Variants in ZFHX3 observed in about 807,000 individuals in gnomAD.
ZFHX3 encodes the protein zinc finger homeobox protein 3.
Under a neutral mutation model 279.1 loss-of-function variants are expected in ZFHX3, and 42 were observed. The observed-to-expected ratio is 0.15, with a 90% confidence interval of 0.12 to 0.19. The LOEUF (loss-of-function observed/expected upper bound fraction) is 0.19. Among genes scored for constraint, ZFHX3 ranks in the 10% least tolerant of loss-of-function variants. The pLI, the probability that ZFHX3 is intolerant of heterozygous loss-of-function variation, is 1.00. For missense variants in ZFHX3, 4,981 were observed against 4,754.0 expected, an observed-to-expected ratio of 1.05 and a Z score of -1.40; for synonymous variants, 2,293 against 1,957.8, an observed-to-expected ratio of 1.17 and a Z score of -4.52.
intron 2 of ZFHX3, among the ~76,000 whole-genome samples, chr16:73,517,622 G>A (rs1387704466): frequency 6.6e-6 from 1 of 152,228 alleles, no homozygotes; most frequent in Non-Finnish European, 1.5e-5. Flanking sequence ...AAAAATATTA[G>A]AAATGTAGCA....
At position 73,221,280 on chromosome 16, in the gene ZFHX3, A is replaced by G. The variant is rs1168779204; in HGVS notation, c.-1104+35767T>C. Among the ~76,000 whole-genome samples the G allele has an allele frequency of 3.3e-5, 5 of 152,336 alleles. No homozygotes were observed. In the East Asian group the frequency reaches 9.6e-4, roughly 29 times the overall value. ...ATTTGTAAACTGCAAAAAAATACAA[A>G]GAAAAGTCACTGTTAATACCTCTAT... On this transcript the variant is annotated intron_variant, in intron 5 of 17. Coordinates refer to the ZFHX3 transcript ENST00000641206.
intron 1 of ZFHX3, among the ~76,000 whole-genome samples, chr16:73,859,277 T>C (rs1251304483): frequency 6.6e-6 from 1 of 152,194 alleles, no homozygotes; most frequent in East Asian, 1.9e-4. Context: ...ATCGCTAAAT[T>C]TAAATCTTGT....
intron 1 of ZFHX3, among the ~76,000 whole-genome samples, chr16:72,978,721 C>T (rs1407086683): frequency 6.6e-6 from 1 of 152,202 alleles, no homozygotes; most frequent in Non-Finnish European, 1.5e-5. Context: ...GCAGAATAAA[C>T]ATCCTTACAA....
chr16:72,903,521 C>A (rs2039092361), intron 3 of ZFHX3, among the ~76,000 whole-genome samples: 1 of 152,110 alleles, frequency 6.6e-6, no homozygotes, highest in South Asian at 2.1e-4. Context: ...CGGAAATAGT[C>A]CAGATGCCCA....
At chr16:73,682,999 G>GAAAGA (rs1427987428) in intron 1 of ZFHX3, among the ~76,000 whole-genome samples, 1 of 84,500 alleles carries the variant, frequency 1.2e-5, no homozygotes, top group African/African-American at 3.1e-5. Flanking sequence ...AGAAAAGAAA[G>GAAAGA]AAAGAAAGAA....
intron 4 of ZFHX3, among the ~76,000 whole-genome samples, chr16:73,272,364 T>A (rs2014170082): frequency 6.6e-6 from 1 of 152,210 alleles, no homozygotes; most frequent in Non-Finnish European, 1.5e-5. Context: ...CTGAGACCTG[T>A]TAGTCTGAAA....
At chr16:73,609,190 A>T (rs907999018) in intron 2 of ZFHX3, 1 of 152,216 alleles carries the variant, frequency 6.6e-6, no homozygotes, top group Non-Finnish European at 1.5e-5. Flanking sequence ...TTCAGAAGTG[A>T]GAAGGCGATG....
chr16:72,835,510 C>A (rs2037169485), intron 4 of ZFHX3, among the ~76,000 whole-genome samples: 1 of 152,168 alleles, frequency 6.6e-6, no homozygotes, highest in Non-Finnish European at 1.5e-5. Flanking sequence ...AGGACCTCTT[C>A]TTTGAAAAAC....
chr16:72,935,395 A>C (rs1012588175), intron 3 of ZFHX3, among the ~76,000 whole-genome samples: 1 of 152,178 alleles, frequency 6.6e-6, no homozygotes, highest in Non-Finnish European at 1.5e-5. Flanking sequence ...AGGGAAACTG[A>C]GGGAGGAGGC....
chr16:73,465,370 T>G (rs1336904608), intron 2 of ZFHX3, among the ~76,000 whole-genome samples: 3 of 152,194 alleles, frequency 2.0e-5, no homozygotes, highest in Non-Finnish European at 4.4e-5. Flanking sequence ...CAGGGGAATC[T>G]CTTCTGTATC....
chr16:73,440,909 A>T (rs2018081069), intron 3 of ZFHX3, among the ~76,000 whole-genome samples: 1 of 152,224 alleles, frequency 6.6e-6, no homozygotes, highest in South Asian at 2.1e-4. Flanking sequence ...CTTTTAGCAA[A>T]TAGATTCATC....
chr16:72,954,034 G>C (rs576300048), intron 2 of ZFHX3, among the ~76,000 whole-genome samples: 1 of 152,308 alleles, frequency 6.6e-6, no homozygotes, highest in African/African-American at 2.4e-5. Flanking sequence ...ACAAAGTGGG[G>C]GAATCTCACC....
intron 2 of ZFHX3, among the ~76,000 whole-genome samples, chr16:73,617,424 TA>T (rs2052315773): frequency 6.6e-6 from 1 of 152,254 alleles, no homozygotes; most frequent in South Asian, 2.1e-4. Context: ...ACCTACGACA[TA>T]ATTATTTGTA....
At chr16:73,224,492 C>T (rs2012528859) in intron 5 of ZFHX3, among the ~76,000 whole-genome samples, 1 of 152,148 alleles carries the variant, frequency 6.6e-6, no homozygotes, top group African/African-American at 2.4e-5. Flanking sequence ...AGCAGATGGG[C>T]CTCATCTGAC....
chr16:73,404,460 A>C (rs1253146699), intron 3 of ZFHX3, among the ~76,000 whole-genome samples: 2 of 152,198 alleles, frequency 1.3e-5, no homozygotes, highest in Admixed American at 6.5e-5. Context: ...CTTGGCTCCA[A>C]GTTCGTGCAG....
chr16:73,705,435 C>A (rs922993304), intron 1 of ZFHX3, among the ~76,000 whole-genome samples: 1 of 152,126 alleles, frequency 6.6e-6, no homozygotes, highest in Non-Finnish European at 1.5e-5. Context: ...GGCCATTGGA[C>A]CTTGGGCCAG....
At position 73,600,150 on chromosome 16, in the gene ZFHX3, T is replaced by C. The variant is rs1278680115; in HGVS notation, c.-1547+80030A>G. ...CTTGCAGTTGCACCCAAACTGTAAG[T>C]AACCTCCAAATCTGGATAAGGTTGT... On this transcript the variant is annotated intron_variant, in intron 2 of 17. Transcript: ENST00000641206. Among the ~76,000 whole-genome samples the C allele has an allele frequency of 4.6e-5, 7 of 152,164 alleles. 1 individual carries two copies. Among genetic ancestry groups the C allele is most frequent in the African/African-American group, 1.7e-4 (7 of 41,424 alleles).
At chr16:73,778,851 G>C (rs977544372) in intron 1 of ZFHX3, among the ~76,000 whole-genome samples, 5 of 152,210 alleles carry the variant, frequency 3.3e-5, no homozygotes, top group African/African-American at 1.2e-4. Flanking sequence ...CCGAAGAAAA[G>C]TCAAGATCAC....
intron 3 of ZFHX3, among the ~76,000 whole-genome samples, chr16:72,926,454 G>T (rs1959452398): frequency 6.6e-6 from 1 of 152,142 alleles, no homozygotes; most frequent in Non-Finnish European, 1.5e-5. Context: ...ATGAATTACA[G>T]AATCCACTTT....
Sources: gnomAD v4.1 joint callset for allele counts (sites outside exome capture counted in the v4.1 genomes callset) on GRCh38, gnomAD v4.1.1 for gene constraint, MANE v1.5 for transcripts, NCBI Gene and HGNC (gene_info 2026-07-23, HGNC 2026-07-21) for gene names.